Variants in CFAP20DC observed in about 807,000 individuals in gnomAD.
The protein encoded by CFAP20DC is CFAP20 domain containing.
CFAP20DC carries 84 observed loss-of-function variants against 101.7 expected under a neutral mutation model. That is an observed-to-expected ratio of 0.83 (90% CI 0.69 to 0.99). CFAP20DC has a LOEUF of 0.99. Among genes scored for constraint, CFAP20DC ranks in the 50% least tolerant of loss-of-function variants. The probability of loss-of-function intolerance (pLI) is 0.00; values close to 1 mark genes in which losing one functional copy is unlikely to be tolerated. For missense variants in CFAP20DC, 1,007 were observed against 970.3 expected (o/e 1.04, Z -0.50); for synonymous variants, 359 against 351.2 (o/e 1.02, Z -0.25).
chr3:58,796,516 T>A (rs2107665043), intron 15 of CFAP20DC, among the ~76,000 whole-genome samples: 1 of 152,212 alleles, frequency 6.6e-6, no homozygotes, highest in Non-Finnish European at 1.5e-5. Context: ...GCTTTTTGTA[T>A]CAAGTGCTTT....
In CFAP20DC at chr3:58,859,986, G is replaced by A. The variant is rs1308759254; in HGVS notation, c.1593+3572C>T. Among the ~76,000 whole-genome samples the A allele has an allele frequency of 6.6e-6, 1 of 151,876 alleles. No individual in the cohort carries two copies. Among genetic ancestry groups the A allele is most frequent in the Non-Finnish European group, 1.5e-5 (1 of 67,988 alleles). ...GAGGTCAGGAGATCGAGACCATCCT[G>A]GCCAACATGGTGAAACCCCGTCTCT... On this transcript the variant is annotated intron_variant, in intron 12 of 16. Coordinates refer to ENST00000482387, the MANE Select transcript of CFAP20DC (RefSeq NM_001394063.1). This position sits in a 1 kb window ranked among gnomAD's most constrained non-coding sequence, Gnocchi z 4.1.
At chr3:59,020,020 A>G (rs2093771745) in intron 4 of CFAP20DC, among the ~76,000 whole-genome samples, 1 of 152,126 alleles carries the variant, frequency 6.6e-6, no homozygotes, top group South Asian at 2.1e-4. Context: ...CCAGAGATTA[A>G]AAAGATTTGC....
intron 5 of CFAP20DC, among the ~76,000 whole-genome samples, chr3:58,929,913 C>T (rs746186224): frequency 9.2e-5 from 14 of 152,156 alleles, no homozygotes; most frequent in Non-Finnish European, 1.5e-4. Flanking sequence ...GTTGGAACCT[C>T]CTTGGTTCTC....
At chr3:58,900,400 G>A (rs1033358496) in intron 6 of CFAP20DC, among the ~76,000 whole-genome samples, 1 of 152,132 alleles carries the variant, frequency 6.6e-6, no homozygotes, top group Admixed American at 6.5e-5. Flanking sequence ...GCTATATCCT[G>A]AAAAGTACTC....
intron 12 of CFAP20DC, among the ~76,000 whole-genome samples, chr3:58,854,698 T>C (rs1444256180): frequency 1.3e-5 from 2 of 151,804 alleles, no homozygotes; most frequent in Non-Finnish European, 2.9e-5. Context: ...TACAACTATC[T>C]GATCTTTGAC....
At chr3:58,936,198 G>A in intron 5 of CFAP20DC, among the ~76,000 whole-genome samples, 1 of 152,098 alleles carries the variant, frequency 6.6e-6, no homozygotes, top group African/African-American at 2.4e-5. Context: ...GGCCATCAGA[G>A]AAATGCAAAT....
intron 15 of CFAP20DC, among the ~76,000 whole-genome samples, chr3:58,776,129 C>T (rs2071318348): frequency 6.6e-6 from 1 of 152,102 alleles, no homozygotes. Context: ...CCCTTAACTC[C>T]CAATATGGGG....
intron 14 of CFAP20DC, among the ~76,000 whole-genome samples, chr3:58,816,745 G>C (rs1215095406): frequency 6.6e-6 from 1 of 152,160 alleles, no homozygotes; most frequent in African/African-American, 2.4e-5. Context: ...GCTTGCTTAG[G>C]TAAACAAAGC....
chr3:59,019,333 T>C (rs550031662), intron 4 of CFAP20DC, among the ~76,000 whole-genome samples: 2 of 152,156 alleles, frequency 1.3e-5, no homozygotes, highest in East Asian at 3.9e-4. Context: ...CCAGACTACA[T>C]TTCCTAGCCC....
chr3:58,752,034 G>T (rs531107009), intron 16 of CFAP20DC, among the ~76,000 whole-genome samples: 61 of 152,216 alleles, frequency 4.0e-4, no homozygotes, highest in African/African-American at 1.4e-3. Context: ...GGAAACTTGA[G>T]CCCATAATTT....
chr3:58,974,647 C>T (rs200081047), intron 4 of CFAP20DC, among the ~76,000 whole-genome samples: 6 of 152,064 alleles, frequency 3.9e-5, no homozygotes, highest in East Asian at 1.9e-4. Flanking sequence ...TTTAAATGCC[C>T]GTCCCATCCC....
intron 16 of CFAP20DC, among the ~76,000 whole-genome samples, chr3:58,749,152 T>C (rs1320797329): frequency 6.6e-6 from 1 of 152,192 alleles, no homozygotes; most frequent in African/African-American, 2.4e-5. Flanking sequence ...ATATTTCCTA[T>C]GGCCAGTAGA....
chr3:58,741,014 G>T (rs1352893598), downstream of CFAP20DC, among the ~76,000 whole-genome samples: 1 of 152,074 alleles, frequency 6.6e-6, no homozygotes, highest in East Asian at 1.9e-4. Flanking sequence ...CACAAATATG[G>T]TTCTAAATAA....
chr3:58,859,887 A>G lies in CFAP20DC; in HGVS notation c.1593+3671T>C, dbSNP rs1337711378. On this transcript the variant is annotated intron_variant, in intron 12 of 16. Coordinates refer to ENST00000482387, the MANE Select transcript of CFAP20DC (RefSeq NM_001394063.1). The surrounding 1 kb of genome is among the most constrained non-coding windows in gnomAD (Gnocchi z 4.1). ...AGTGTGTGTGAGAAAGCAATTAAAA[A>G]TCATTACTTGGCCAGGCGCGATGGC... is the stretch of plus-strand genomic sequence containing the variant. Among the ~76,000 whole-genome samples, 1 of 152,134 alleles carries G rather than the reference A, an allele frequency of 6.6e-6. No individual in the cohort carries two copies. Among genetic ancestry groups the G allele is most frequent in the Non-Finnish European group, 1.5e-5 (1 of 68,026 alleles).
At chr3:58,976,270 G>A (rs1255200778) in intron 4 of CFAP20DC, among the ~76,000 whole-genome samples, 1 of 152,184 alleles carries the variant, frequency 6.6e-6, no homozygotes, top group Non-Finnish European at 1.5e-5. Context: ...CTGGAAGGAG[G>A]CAAAAGTGAA....
rs1316234241 is a variant in CFAP20DC at position 58,861,823 on chromosome 3, G to A, written c.1593+1735C>T. The A allele has an allele frequency of 1.1e-5, 11 of 985,290 alleles. No homozygotes were observed. The highest frequency in any genetic ancestry group is 1.3e-5 in the Non-Finnish European group (11 of 829,906). 61.0% of individuals were successfully genotyped at this position (985,290 alleles called of 1,614,324 possible). A position where few individuals can be genotyped will look rare whatever the true frequency, so the allele number is the denominator to read the frequency against. The stretch of plus-strand genomic sequence containing the variant: ...GCTACTGGTCACCTTGATGGGCATG[G>A]CACAGGGGTGACCAGATAGCCCTGC... On this transcript the variant is annotated intron_variant, in intron 12 of 16. Coordinates refer to ENST00000482387, the MANE Select transcript of CFAP20DC (RefSeq NM_001394063.1). This position sits in a 1 kb window ranked among gnomAD's most constrained non-coding sequence, Gnocchi z 4.0.
rs543088092 is a variant in CFAP20DC, at chr3:58,812,209, A to G, written c.2176-5753T>C. On this transcript the variant is annotated intron_variant, in intron 14 of 16. Coordinates refer to ENST00000482387, the MANE Select transcript of CFAP20DC (RefSeq NM_001394063.1). ...ACCCAGCCATCCCATTACTGGGTATATACCCAAAGGACTATAAATCATGCT... is the reference window on the plus strand; with the variant it reads ...ACCCAGCCATCCCATTACTGGGTATGTACCCAAAGGACTATAAATCATGCT... Among the ~76,000 whole-genome samples, 23 of 152,274 alleles carry G rather than the reference A, an allele frequency of 1.5e-4. 1 individual carries two copies. In the South Asian group the frequency reaches 4.1e-3, roughly 27 times the overall value.
At position 58,983,538 on chromosome 3, in the gene CFAP20DC, T is replaced by G. The variant is rs9819473; in HGVS notation, c.279-45776A>C. ...ACACAACAAAATCAGAGCAAAACAC[T>G]CTAATGGGAAAGCATAAAAGAGACT... is the stretch of plus-strand genomic sequence containing the variant. On this transcript the variant is annotated intron_variant, in intron 4 of 16. Transcript: ENST00000482387. Among the ~76,000 whole-genome samples the G allele has an allele frequency of 4.2e-3, 642 of 152,242 alleles. 6 individuals are homozygous for G. Among genetic ancestry groups the G allele is most frequent in the African/African-American group, 0.015 (618 of 41,542 alleles).
At chr3:58,885,095 C>A (rs1183389101) in intron 6 of CFAP20DC, among the ~76,000 whole-genome samples, 4 of 151,946 alleles carry the variant, frequency 2.6e-5, no homozygotes, top group Non-Finnish European at 5.9e-5. Context: ...TCAATAAGTA[C>A]AAAGATATTG....
Sources: allele counts gnomAD v4.1 joint callset (sites outside exome capture counted in the v4.1 genomes callset), GRCh38; gene constraint gnomAD v4.1.1; non-coding constraint Gnocchi (gnomAD v3.1); transcripts MANE v1.5; gene names NCBI Gene and HGNC (gene_info 2026-07-23, HGNC 2026-07-21).